The following TMEM71 variants were observed in gnomAD, a reference collection of about 807,000 sequenced individuals.
TMEM71 encodes transmembrane protein 71.
TMEM71 carries 44 observed loss-of-function variants against 38.0 expected under a neutral mutation model. The ratio of observed to expected loss-of-function variants is 1.16; its 90% confidence interval spans 0.91 to 1.49. The LOEUF (loss-of-function observed/expected upper bound fraction) is 1.49. Ranked by LOEUF, TMEM71 falls within the 40% of genes most tolerant of loss-of-function variation. TMEM71 has a pLI of 0.00. For synonymous variants in TMEM71, 133 were observed against 122.5 expected (o/e 1.09, Z -0.56); for missense variants, 367 against 348.6 (o/e 1.05, Z -0.42).
chr8:132,774,708 A>C, the TMEM71 span, among the ~76,000 whole-genome samples: 1 of 152,176 alleles, frequency 6.6e-6, no homozygotes, highest in African/African-American at 2.4e-5. Context: ...GTGCTTAGTA[A>C]AGTTTGGGAG....
chr8:132,752,127 T>A, intron 3 of TMEM71, 130 bp from the exon 4 acceptor site: 4 of 739,544 alleles, frequency 5.4e-6, no homozygotes, highest in Non-Finnish European at 9.1e-6. Flanking sequence ...CTGCAACCAT[T>A]AGGAATGTCA....
rs1467262496 is a variant in TMEM71, at chr8:132,710,758, C to T, written c.*209G>A. 4 of 586,400 alleles carry T rather than the reference C, an allele frequency of 6.8e-6. No individual in the cohort carries two copies. The highest frequency in any genetic ancestry group is 1.2e-5 in the Non-Finnish European group (4 of 331,974). The allele number at this position is 586,400 out of a possible 1,614,324, so 36.3% of individuals were successfully genotyped here. A position where few individuals can be genotyped will look rare whatever the true frequency, so the allele number is the denominator to read the frequency against. ...ACTGCCGGTGTTTGCAAAGGGAAGG[C>T]AAATTAATATTATTTTCATGAGCAT... On this transcript the variant is annotated 3_prime_UTR_variant, in exon 10 of 10. Coordinates refer to ENST00000677595, the MANE Select transcript of TMEM71 (RefSeq NM_001382403.1).
chr8:132,722,128 A>G lies in TMEM71; in HGVS notation c.677-13T>C. ...AACAACCTGGTTTCTAATAGGAAGA[A>G]CAAAAACAAATAAATTAGAAATCAT... On this transcript the variant is annotated splice_polypyrimidine_tract_variant and intron_variant, in intron 6 of 9. Transcript: ENST00000677595. 1 of 1,596,154 alleles carries G rather than the reference A, an allele frequency of 6.3e-7. No homozygotes were observed. Among genetic ancestry groups the G allele is most frequent in the Non-Finnish European group, 8.6e-7 (1 of 1,164,074 alleles).
chr8:132,757,366 T>C (rs1366600176), intron 2 of TMEM71, 72 bp from the exon 3 acceptor site: 1 of 1,151,898 alleles, frequency 8.7e-7, no homozygotes, highest in African/African-American at 1.5e-5. Context: ...GATACATGTA[T>C]CAATATGTAT....
chr8:132,730,844 G>A (rs1309087268), intron 5 of TMEM71, among the ~76,000 whole-genome samples: 1 of 152,118 alleles, frequency 6.6e-6, no homozygotes, highest in East Asian at 1.9e-4. Context: ...ATAAGACACT[G>A]TCCCAAAAGA....
chr8:132,740,287 A>T (rs1827968355), intron 5 of TMEM71, among the ~76,000 whole-genome samples: 1 of 152,114 alleles, frequency 6.6e-6, no homozygotes. Flanking sequence ...CCAGATATCC[A>T]CAGAGCTGTT....
intron 2 of TMEM71, chr8:132,758,118 T>G (rs1000793787): frequency 1.3e-5 from 2 of 152,200 alleles, no homozygotes; most frequent in African/African-American, 2.4e-5. Flanking sequence ...TATATAACAT[T>G]TTTCCAAAGT....
chr8:132,765,008 C>T (rs1032957851), upstream of TMEM71, among the ~76,000 whole-genome samples: 3 of 152,186 alleles, frequency 2.0e-5, no homozygotes, highest in African/African-American at 7.2e-5. Flanking sequence ...CCTGGACAGG[C>T]TACTAATCTA....
intron 2 of TMEM71, chr8:132,758,623 AT>A (rs11314346): frequency 0.4 from 176,456 of 445,838 alleles, 30,140 homozygotes; most frequent in Non-Finnish European, 0.42. Context: ...AAAAACGGTG[AT>A]TTTTTTTTTT....
At chr8:132,725,837 C>T (rs1186696803) in intron 6 of TMEM71, among the ~76,000 whole-genome samples, 1 of 152,124 alleles carries the variant, frequency 6.6e-6, no homozygotes, top group Non-Finnish European at 1.5e-5. Flanking sequence ...TAGGAGGCCA[C>T]CCAGGTATAG....
upstream of TMEM71, among the ~76,000 whole-genome samples, chr8:132,761,709 G>C (rs987256318): frequency 6.6e-6 from 1 of 152,210 alleles, no homozygotes; most frequent in Admixed American, 6.5e-5. Flanking sequence ...TGTAAATAAA[G>C]TAAGGCAAAG....
rs376767557 is a variant in TMEM71 at position 132,719,602 on chromosome 8, CCTGT to C, written c.752+2434_752+2437del. ...CTGTATGTGCAAACATATCAACTTTCCTGTCTGTCACCTATCACTTACTATGAGA... is the reference window on the plus strand; with the variant it reads ...CTGTATGTGCAAACATATCAACTTTCCTGTCACCTATCACTTACTATGAGA... On this transcript the variant is annotated intron_variant, in intron 7 of 9. Transcript: ENST00000677595. Among the ~76,000 whole-genome samples the C allele has an allele frequency of 4.7e-3, 717 of 152,344 alleles. 7 individuals carry two copies. Among genetic ancestry groups the C allele is most frequent in the African/African-American group, 0.017 (691 of 41,578 alleles).
intron 5 of TMEM71, among the ~76,000 whole-genome samples, chr8:132,746,068 A>G (rs1828324272): frequency 6.7e-6 from 1 of 148,892 alleles, no homozygotes; most frequent in African/African-American, 2.5e-5. Context: ...GTTGGGTACT[A>G]TGCTTAGTAC....
At chr8:132,724,584 TG>T (rs1166785295) in intron 6 of TMEM71, among the ~76,000 whole-genome samples, 2 of 152,208 alleles carry the variant, frequency 1.3e-5, no homozygotes, top group Non-Finnish European at 2.9e-5. Context: ...CAAGGTGCAC[TG>T]ATTTCATATT....
chr8:132,773,699 A>G, the TMEM71 span, among the ~76,000 whole-genome samples: 3 of 152,174 alleles, frequency 2.0e-5, no homozygotes, highest in Admixed American at 6.5e-5. Flanking sequence ...ATCATTAGCA[A>G]CTTCTGATAC....
upstream of TMEM71, among the ~76,000 whole-genome samples, chr8:132,764,167 C>G (rs1227270079): frequency 6.6e-6 from 1 of 152,204 alleles, no homozygotes; most frequent in African/African-American, 2.4e-5. Flanking sequence ...GGCTTATCAT[C>G]TAAGTCTCCA....
At chr8:132,763,092 A>G (rs1004537153), upstream of TMEM71, among the ~76,000 whole-genome samples, 2 of 152,012 alleles carry the variant, frequency 1.3e-5, no homozygotes, top group African/African-American at 4.8e-5. Flanking sequence ...CCCTCACCCT[A>G]AGGGTCACAG....
chr8:132,741,744 G>A (rs1196172423), intron 5 of TMEM71, among the ~76,000 whole-genome samples: 2 of 152,176 alleles, frequency 1.3e-5, no homozygotes, highest in Non-Finnish European at 1.5e-5. Context: ...GGCGGACTAG[G>A]AGCGTGACCA....
chr8:132,763,172 A>T (rs966297601), upstream of TMEM71, among the ~76,000 whole-genome samples: 1 of 151,092 alleles, frequency 6.6e-6, no homozygotes. Context: ...CCTCCACACC[A>T]CTCCCTAGTC....
Sources: allele counts gnomAD v4.1 joint callset (sites outside exome capture counted in the v4.1 genomes callset), GRCh38; gene constraint gnomAD v4.1.1; transcripts MANE v1.5; gene names NCBI Gene and HGNC (gene_info 2026-07-23, HGNC 2026-07-21).